STK39: variants seen among roughly 807,000 people sequenced by gnomAD.
The protein encoded by STK39 is serine/threonine kinase 39, also known as STE20/SPS1-related proline-alanine-rich protein kinase.
In STK39, 20 loss-of-function variants were observed where a neutral mutation model predicts 77.8. The observed-to-expected ratio is 0.26, with a 90% CI of 0.18 to 0.37. The LOEUF (loss-of-function observed/expected upper bound fraction) is 0.37, where lower values mean the gene tolerates loss of function less well. Among genes scored for constraint, STK39 ranks in the 10% least tolerant of loss-of-function variants. The probability of loss-of-function intolerance (pLI) is 1.00; values close to 1 mark genes in which losing one functional copy is unlikely to be tolerated. For missense variants in STK39, 479 were observed against 656.5 expected (o/e 0.73, Z 2.95); for synonymous variants, 246 against 234.1 (o/e 1.05, Z -0.47).
At chr2:168,223,204 C>A (rs957245741) in intron 1 of STK39, among the ~76,000 whole-genome samples, 2 of 152,090 alleles carry the variant, frequency 1.3e-5, no homozygotes, top group Non-Finnish European at 2.9e-5. Flanking sequence ...AAATAGGGAC[C>A]TTTCTTCTAG....
At chr2:168,078,775 G>A (rs2105410893) in intron 10 of STK39, among the ~76,000 whole-genome samples, 1 of 149,070 alleles carries the variant, frequency 6.7e-6, no homozygotes, top group Non-Finnish European at 1.5e-5. Flanking sequence ...GCACCCACTA[G>A]CCTCTCCCAC....
intron 14 of STK39, among the ~76,000 whole-genome samples, chr2:168,048,798 T>C (rs981943250): frequency 5.3e-5 from 8 of 152,328 alleles, no homozygotes; most frequent in African/African-American, 1.9e-4. Context: ...GCATCAAAGC[T>C]AGGCGCCATG....
chr2:168,042,282 T>C (rs1215040108), intron 14 of STK39, among the ~76,000 whole-genome samples: 2 of 152,256 alleles, frequency 1.3e-5, no homozygotes, highest in African/African-American at 4.8e-5. Context: ...CATTCATTTA[T>C]ATCATGTGGT....
intron 1 of STK39, among the ~76,000 whole-genome samples, chr2:168,213,416 T>C (rs1344668221): frequency 6.6e-6 from 1 of 152,168 alleles, no homozygotes; most frequent in South Asian, 2.1e-4. Context: ...AAACTTTCTA[T>C]TACAAAACTT....
intron 5 of STK39, among the ~76,000 whole-genome samples, chr2:168,156,654 G>A (rs1371129160): frequency 1.3e-5 from 2 of 152,160 alleles, no homozygotes; most frequent in Non-Finnish European, 2.9e-5. Flanking sequence ...CTTTAATGCC[G>A]CAGTATATTC....
intron 5 of STK39, among the ~76,000 whole-genome samples, chr2:168,154,036 T>C (rs532500506): frequency 1.3e-5 from 2 of 152,188 alleles, no homozygotes; most frequent in African/African-American, 4.8e-5. Flanking sequence ...ACCACCATAA[T>C]AATCCAAACA....
intron 5 of STK39, among the ~76,000 whole-genome samples, chr2:168,143,520 G>A (rs993729182): frequency 6.6e-6 from 1 of 152,144 alleles, no homozygotes; most frequent in Admixed American, 6.5e-5. Flanking sequence ...AGACCATCCA[G>A]GCCAACATGG....
In STK39 at chr2:168,247,450, G is replaced by C. The variant is rs530585287; in HGVS notation, c.-15C>G. 10 of 1,313,280 alleles carry C rather than the reference G, an allele frequency of 7.6e-6. No homozygotes were observed. The highest frequency in any genetic ancestry group is 3.6e-5 in the East Asian group (1 of 28,036). 81.4% of individuals were successfully genotyped at this position (1,313,280 alleles called of 1,614,324 possible). On this transcript the variant is annotated 5_prime_UTR_variant, in exon 1 of 18. Coordinates refer to ENST00000355999, the MANE Select transcript of STK39 (RefSeq NM_013233.3). ...GGCTCCGCCATGATGCTGCGGAGGA[G>C]AGCAGGAGGACGCGCCGGCCGACGG...
chr2:168,070,950 A>G (rs980654970), intron 12 of STK39, among the ~76,000 whole-genome samples: 4 of 152,174 alleles, frequency 2.6e-5, no homozygotes, highest in Non-Finnish European at 5.9e-5. Context: ...AGGATCTCCA[A>G]ATACGACCCA....
intron 3 of STK39, 151 bp from the exon 4 acceptor site, chr2:168,164,031 G>A (rs1005970293): frequency 6.4e-5 from 72 of 1,133,260 alleles, no homozygotes; most frequent in Non-Finnish European, 8.1e-5. Context: ...TTGAATGGGG[G>A]CCCCATGACC....
intron 14 of STK39, among the ~76,000 whole-genome samples, chr2:168,025,947 G>A (rs144054611): frequency 2.6e-5 from 4 of 152,140 alleles, no homozygotes; most frequent in Non-Finnish European, 5.9e-5. Context: ...TACCAGCAAT[G>A]ACATTCAGTA....
intron 17 of STK39, among the ~76,000 whole-genome samples, chr2:167,956,401 C>CA (rs1559032012): frequency 6.6e-6 from 1 of 151,778 alleles, no homozygotes; most frequent in Non-Finnish European, 1.5e-5. Flanking sequence ...TACTAAAATA[C>CA]AAAAAATTAG....
At chr2:167,998,904 G>A (rs1683921398) in intron 16 of STK39, among the ~76,000 whole-genome samples, 1 of 152,230 alleles carries the variant, frequency 6.6e-6, no homozygotes, top group Admixed American at 6.5e-5. Flanking sequence ...CAGCAAAGGA[G>A]TCTAATGAAA....
At chr2:168,013,826 GTGTGTGTGTA>G (rs1164973210) in intron 15 of STK39, among the ~76,000 whole-genome samples, 2,497 of 80,864 alleles carry the variant, frequency 0.031, 74 homozygotes, top group African/African-American at 0.08. Flanking sequence ...GTGTGTGTGT[GTGTGTGTGTA>G]TGTGTTTGCA....
chr2:168,022,343 A>G (rs1245527935), intron 14 of STK39, among the ~76,000 whole-genome samples: 1 of 152,200 alleles, frequency 6.6e-6, no homozygotes, highest in Non-Finnish European at 1.5e-5. Flanking sequence ...CCTTCATTTA[A>G]GTTGCACCCA....
intron 14 of STK39, among the ~76,000 whole-genome samples, chr2:168,054,271 A>C (rs1685467659): frequency 6.6e-6 from 1 of 152,240 alleles, no homozygotes; most frequent in African/African-American, 2.4e-5. Flanking sequence ...AACATGTTAA[A>C]CTGACCTAGC....
intron 10 of STK39, among the ~76,000 whole-genome samples, chr2:168,079,158 T>G (rs1015950640): frequency 6.6e-6 from 1 of 152,196 alleles, no homozygotes; most frequent in Non-Finnish European, 1.5e-5. Context: ...GCAATAAATA[T>G]TTTACTGTCT....
chr2:168,132,358 C>A (rs370785986), intron 8 of STK39, among the ~76,000 whole-genome samples: 1 of 152,020 alleles, frequency 6.6e-6, no homozygotes, highest in Non-Finnish European at 1.5e-5. Flanking sequence ...CTATTTCCAA[C>A]CCATCATCCA....
At chr2:168,158,203 T>G (rs1688483920) in intron 5 of STK39, among the ~76,000 whole-genome samples, 3 of 152,144 alleles carry the variant, frequency 2.0e-5, no homozygotes, top group African/African-American at 7.2e-5. Flanking sequence ...GCATCCAAGT[T>G]GATTATCAGG....
Sources: allele counts gnomAD v4.1 joint callset (sites outside exome capture counted in the v4.1 genomes callset), GRCh38; gene constraint gnomAD v4.1.1; transcripts MANE v1.5; gene names NCBI Gene and HGNC (gene_info 2026-07-23, HGNC 2026-07-21).